ANK3: variants seen among roughly 807,000 people sequenced by gnomAD.
ANK3 encodes ankyrin 3, also known as ankyrin-3.
ANK3 carries 57 observed loss-of-function variants against 370.9 expected under a neutral mutation model. The ratio of observed to expected loss-of-function variants is 0.15; its 90% CI spans 0.12 to 0.19. The LOEUF (loss-of-function observed/expected upper bound fraction) is 0.19, where lower values mean the gene tolerates loss of function less well. ANK3 is among the 10% of genes least tolerant of loss of function. The pLI, the probability that ANK3 is intolerant of heterozygous loss-of-function variation, is 1.00. For synonymous variants in ANK3, 1,929 were observed against 1,946.3 expected (o/e 0.99, Z 0.23); for missense variants, 4,439 against 5,302.1 (o/e 0.84, Z 5.06).
chr10:60,177,921 T>C (rs2096024194), intron 18 of ANK3, among the ~76,000 whole-genome samples: 1 of 152,174 alleles, frequency 6.6e-6, no homozygotes, highest in Non-Finnish European at 1.5e-5. Context: ...TTCTCTCTTG[T>C]TCTCAGTGTC....
rs535726592 is a variant in ANK3, at chr10:60,659,039, AAATT to A, written c.58-43819_58-43816del. ...AATAGTTCGAAATCTGTATGGGAAA[AAATT>A]AACAACATTCTTTACCTCAAACTGG... On this transcript the variant is annotated intron_variant, in intron 1 of 43. Transcript: ENST00000373827. Among the ~76,000 whole-genome samples, 69 of 152,246 alleles carry A rather than the reference AAATT, an allele frequency of 4.5e-4. No homozygotes were observed. In the South Asian group the frequency reaches 0.014, roughly 31 times the overall value.
intron 25 of ANK3, among the ~76,000 whole-genome samples, chr10:60,129,898 T>A (rs182176831): frequency 6.6e-6 from 1 of 152,198 alleles, no homozygotes; most frequent in Non-Finnish European, 1.5e-5. Context: ...CAAAAACATA[T>A]CTTCAGGTAA....
At chr10:60,502,751 A>G (rs1279610241) in intron 2 of ANK3, among the ~76,000 whole-genome samples, 5 of 150,562 alleles carry the variant, frequency 3.3e-5, no homozygotes, top group African/African-American at 9.8e-5. Flanking sequence ...AGGGAGGGAG[A>G]GAGAGAGAGA....
chr10:60,454,499 A>C (rs2064694710), intron 2 of ANK3, among the ~76,000 whole-genome samples: 1 of 152,110 alleles, frequency 6.6e-6, no homozygotes. Context: ...CAACATTGAT[A>C]GGGACAGGAA....
chr10:60,164,276 A>G (rs1333126494), intron 23 of ANK3, among the ~76,000 whole-genome samples: 1 of 152,174 alleles, frequency 6.6e-6, no homozygotes, highest in Non-Finnish European at 1.5e-5. Context: ...CTTGAATTAA[A>G]AGTGTATTAT....
chr10:60,217,589 C>A (rs191073251), intron 8 of ANK3, among the ~76,000 whole-genome samples: 13 of 152,246 alleles, frequency 8.5e-5, no homozygotes, highest in Non-Finnish European at 1.5e-4. Context: ...TTTCTTAATC[C>A]TGAGTTCTAA....
At chr10:60,703,280 T>C (rs931234971) in intron 1 of ANK3, among the ~76,000 whole-genome samples, 2 of 152,192 alleles carry the variant, frequency 1.3e-5, no homozygotes, top group Non-Finnish European at 2.9e-5. Flanking sequence ...ATTGTAAGGT[T>C]AGGTTTTTGG....
At chr10:60,162,468 T>C (rs1458757368) in intron 23 of ANK3, among the ~76,000 whole-genome samples, 2 of 152,178 alleles carry the variant, frequency 1.3e-5, no homozygotes, top group African/African-American at 4.8e-5. Context: ...AACTTGCCCA[T>C]TCAGTTCTTT....
intron 1 of ANK3, among the ~76,000 whole-genome samples, chr10:60,357,661 T>C (rs1454426362): frequency 6.6e-6 from 1 of 152,198 alleles, no homozygotes; most frequent in Non-Finnish European, 1.5e-5. Flanking sequence ...CAGAAGGTCT[T>C]ATAAACTTAC....
intron 2 of ANK3, among the ~76,000 whole-genome samples, chr10:60,416,399 G>T (rs533153580): frequency 1.6e-4 from 24 of 152,260 alleles, no homozygotes; most frequent in African/African-American, 5.5e-4. Flanking sequence ...ATCATTAAGC[G>T]CATGTTAAAT....
intron 1 of ANK3, among the ~76,000 whole-genome samples, chr10:60,616,800 A>G (rs1001360427): frequency 1.2e-4 from 19 of 152,184 alleles, no homozygotes; most frequent in Admixed American, 2.6e-4. Flanking sequence ...TTGCTCATCA[A>G]AAGAACAATT....
chr10:60,648,154 T>C lies in ANK3; in HGVS notation c.58-32930A>G, dbSNP rs1017070463. On this transcript the variant is annotated intron_variant, in intron 1 of 43. Coordinates refer to the ANK3 transcript ENST00000373827. ...GCCACTGCGGCCAGCCTCTTTTTTT[T>C]TTCCTTTTTTTTTTTTGAGATGGAG... is the stretch of plus-strand genomic sequence containing the variant. Among the ~76,000 whole-genome samples the C allele has an allele frequency of 1.7e-3, 125 of 75,582 alleles. 4 individuals carry two copies. The highest frequency in any genetic ancestry group is 1.2e-3 in the Non-Finnish European group (41 of 34,816). 49.6% of individuals were successfully genotyped at this position (75,582 alleles called of 152,430 possible).
chr10:60,065,880 T>C (rs1398905391), intron 38 of ANK3, among the ~76,000 whole-genome samples: 2 of 152,192 alleles, frequency 1.3e-5, no homozygotes, highest in African/African-American at 4.8e-5. Flanking sequence ...AAGGTACATC[T>C]ATTGGATATT....
chr10:60,229,978 AG>A (rs1425228362), intron 8 of ANK3, among the ~76,000 whole-genome samples: 1 of 152,130 alleles, frequency 6.6e-6, no homozygotes, highest in Non-Finnish European at 1.5e-5. Flanking sequence ...AGAAGTTGGG[AG>A]GGGCACAGTT....
At chr10:60,614,647 T>C (rs1355661482) in intron 2 of ANK3, among the ~76,000 whole-genome samples, 1 of 152,162 alleles carries the variant, frequency 6.6e-6, no homozygotes, top group Non-Finnish European at 1.5e-5. Context: ...GAGCAGAATA[T>C]CCTTCAAGGT....
chr10:60,583,151 T>C (rs748195271), intron 2 of ANK3, among the ~76,000 whole-genome samples: 7 of 152,178 alleles, frequency 4.6e-5, no homozygotes, highest in Non-Finnish European at 5.9e-5. Flanking sequence ...GTGGTACATA[T>C]GCACAATGGA....
At chr10:60,162,833 T>C (rs1008005576) in intron 23 of ANK3, among the ~76,000 whole-genome samples, 11 of 152,192 alleles carry the variant, frequency 7.2e-5, no homozygotes, top group African/African-American at 2.7e-4. Context: ...TCTTAGATTT[T>C]TACTTTGCAT....
At chr10:60,313,280 C>T (rs2046730797) in intron 1 of ANK3, among the ~76,000 whole-genome samples, 1 of 152,004 alleles carries the variant, frequency 6.6e-6, no homozygotes, top group African/African-American at 2.4e-5. Flanking sequence ...TAAAGGAAGC[C>T]AGTAACTTCT....
At chr10:60,141,180 G>T (rs2094541247) in intron 23 of ANK3, among the ~76,000 whole-genome samples, 1 of 152,158 alleles carries the variant, frequency 6.6e-6, no homozygotes, top group Non-Finnish European at 1.5e-5. Context: ...TACACTAATT[G>T]CCGCTGCTTT....
Sources: allele counts gnomAD v4.1 joint callset (sites outside exome capture counted in the v4.1 genomes callset), GRCh38; gene constraint gnomAD v4.1.1; transcripts MANE v1.5; gene names NCBI Gene and HGNC (gene_info 2026-07-23, HGNC 2026-07-21).